The following PPP2CA variants were observed in gnomAD, a reference collection of about 807,000 sequenced individuals.
PPP2CA encodes the protein protein phosphatase 2 catalytic subunit alpha, also known as serine/threonine-protein phosphatase 2A catalytic subunit alpha isoform.
PPP2CA carries 5 observed loss-of-function variants against 38.8 expected under a neutral mutation model. The ratio of observed to expected loss-of-function variants is 0.13; its 90% CI spans 0.07 to 0.27. The LOEUF is 0.27. Among genes scored for constraint, PPP2CA ranks in the 10% least tolerant of loss-of-function variants. The pLI is 1.00. For synonymous variants in PPP2CA, 152 were observed against 134.0 expected (o/e 1.13, Z -0.93); for missense variants, 88 against 389.7 (o/e 0.23, Z 6.52).
At chr5:134,218,680 T>TC (rs1030329485) in intron 1 of PPP2CA, among the ~76,000 whole-genome samples, 85 of 151,540 alleles carry the variant, frequency 5.6e-4, no homozygotes, top group African/African-American at 1.9e-3. Flanking sequence ...TTTTTTTTTT[T>TC]TTTCTTTTAA....
At chr5:134,225,608 A>T (rs1311144775) in intron 1 of PPP2CA, 152 bp downstream of exon 1, 3 of 591,020 alleles carry the variant, frequency 5.1e-6, no homozygotes, top group African/African-American at 2.0e-5. Flanking sequence ...CCGGGTCGTT[A>T]GGAAGCCGCC....
In PPP2CA at chr5:134,195,705, A is replaced by G. The variant is rs1580633226; in HGVS notation, c.*2067T>C. ...CTAACACATTTTCCTTACCATAGCC[A>G]TTTTCAAAAGAAGGTAGGGTACTAA... On this transcript the variant is annotated 3_prime_UTR_variant, in exon 7 of 7. Transcript: ENST00000481195. 1 of 152,210 alleles carries G rather than the reference A, an allele frequency of 6.6e-6. No homozygotes were observed. Among genetic ancestry groups the G allele is most frequent in the African/African-American group, 2.4e-5 (1 of 41,452 alleles). The allele number at this position is 152,210 out of a possible 1,614,324, so 9.4% of individuals were successfully genotyped here.
intron 1 of PPP2CA, among the ~76,000 whole-genome samples, chr5:134,212,582 G>T (rs1380951137): frequency 6.6e-6 from 1 of 152,144 alleles, no homozygotes; most frequent in Admixed American, 6.6e-5. Context: ...ATGCTCAAGT[G>T]AAAGGAAGAG....
intron 5 of PPP2CA, 87 bp downstream of exon 5, chr5:134,200,248 C>G: frequency 7.1e-7 from 1 of 1,403,036 alleles, no homozygotes. Context: ...GAATTTCTCA[C>G]AAATGTCATT....
intron 2 of PPP2CA, among the ~76,000 whole-genome samples, chr5:134,204,810 T>C (rs1044926958): frequency 5.9e-5 from 9 of 152,210 alleles, no homozygotes; most frequent in Admixed American, 3.9e-4. Context: ...ACTATTCAAC[T>C]GAGCTAAACC....
chr5:134,221,649 T>C (rs769201966), intron 1 of PPP2CA, among the ~76,000 whole-genome samples: 2 of 152,020 alleles, frequency 1.3e-5, no homozygotes, highest in Non-Finnish European at 2.9e-5. Context: ...GTAACATGAA[T>C]AGGAAGCTTT....
rs11372222 is a variant in PPP2CA, at chr5:134,199,439, TA to T, written c.739-236del. 7.5e-3 allele frequency: 1,869 copies of T among 249,432 alleles called. 2 individuals carry two copies. The highest frequency in any genetic ancestry group is 0.023 in the East Asian group (342 of 14,946). 15.5% of individuals were successfully genotyped at this position (249,432 alleles called of 1,614,324 possible). A position where few individuals can be genotyped will look rare whatever the true frequency, so the allele number is the denominator to read the frequency against. The stretch of plus-strand genomic sequence containing the variant: ...AAAACTTGTTTTTTTTTTAGTACTT[TA>T]AAAAAAAAAAGGCTTTAACAAACAG... On this transcript the variant is annotated intron_variant, in intron 5 of 6. Transcript: ENST00000481195.
In PPP2CA at chr5:134,225,786, A is replaced by C. The variant is rs1580656004; in HGVS notation, c.76T>G (p.Ser26Ala). ...QLNECKQLSE[S>A]QVKSLCEKAK... is the part of the protein sequence containing the mutation. ...TTCTCGCAGAGGCTCTTGACCTGGG[A>C]CTCGGACAGCTGCTTGCACTCGTTC... Residue 26 changes from serine (S) to alanine (A), a missense_variant, in exon 1 of 7, where the codon TCC (serine) becomes GCC (alanine). Physicochemically the swap from Ser to Ala is moderately conservative, Grantham distance 99 (BLOSUM62 1). Around this residue, in one of 4 missense-constraint regions of PPP2CA, gnomAD observed 34 missense variants for 57.1 expected, o/e 0.60. Transcript: ENST00000481195. The C allele has an allele frequency of 6.2e-7, 1 of 1,610,000 alleles. No individual in the cohort carries two copies. The highest frequency in any genetic ancestry group is 2.2e-5 in the East Asian group (1 of 44,674).
At chr5:134,223,733 C>T in intron 1 of PPP2CA, among the ~76,000 whole-genome samples, 1 of 152,228 alleles carries the variant, frequency 6.6e-6, no homozygotes, top group East Asian at 1.9e-4. Context: ...AAACCCTCTA[C>T]TTCCATGCTC....
Position 134,196,636 on chromosome 5 carries a change from GTCAA to G in PPP2CA, c.*1132_*1135del, listed in dbSNP as rs1315291256. On this transcript the variant is annotated 3_prime_UTR_variant, in exon 7 of 7. Coordinates refer to ENST00000481195, the MANE Select transcript of PPP2CA (RefSeq NM_002715.4). ...CAAAGATTTAAGAATTTGCCAATCT[GTCAA>G]TCATTTTAAAGAGTCCATATAATAT... is the stretch of plus-strand genomic sequence containing the variant. 1.3e-5 allele frequency: 2 copies of G among 152,116 alleles called. No homozygotes were observed. The highest frequency in any genetic ancestry group is 3.2e-3 in the Middle Eastern group (1 of 316). The allele number at this position is 152,116 out of a possible 1,614,324, so 9.4% of individuals were successfully genotyped here.
chr5:134,210,760 T>C (rs1223474562), intron 1 of PPP2CA, among the ~76,000 whole-genome samples: 1 of 151,984 alleles, frequency 6.6e-6, no homozygotes, highest in African/African-American at 2.4e-5. Context: ...TTGAACCCAA[T>C]GGGCCAAGAT....
chr5:134,206,205 C>T (rs765988521), intron 1 of PPP2CA, 74 bp from the exon 2 acceptor site: 53 of 1,276,898 alleles, frequency 4.2e-5, no homozygotes, highest in Non-Finnish European at 5.0e-5. Flanking sequence ...TTTACTTACA[C>T]TTAATGTAGC....
chr5:134,196,535 T>G lies in PPP2CA; in HGVS notation c.*1237A>C, dbSNP rs1345004318. ...GTTTCACTAGTATCACTCAAAGAACTTGACACAGGCTAATGCTTTAACACT... is the reference window on the plus strand; with the variant it reads ...GTTTCACTAGTATCACTCAAAGAACGTGACACAGGCTAATGCTTTAACACT... On this transcript the variant is annotated 3_prime_UTR_variant, in exon 7 of 7. Transcript: ENST00000481195. 1 of 152,236 alleles carries G rather than the reference T, an allele frequency of 6.6e-6. No individual in the cohort carries two copies. Among genetic ancestry groups the G allele is most frequent in the Non-Finnish European group, 1.5e-5 (1 of 68,040 alleles). 9.4% of individuals were successfully genotyped at this position (152,236 alleles called of 1,614,324 possible). A position where few individuals can be genotyped will look rare whatever the true frequency, so the allele number is the denominator to read the frequency against.
In PPP2CA at chr5:134,201,084, G is replaced by A; in HGVS notation, c.487-10C>T. The A allele has an allele frequency of 6.2e-7, 1 of 1,601,912 alleles. No homozygotes were observed. The highest frequency in any genetic ancestry group is 1.1e-5 in the South Asian group (1 of 90,798). On this transcript the variant is annotated splice_polypyrimidine_tract_variant and intron_variant, in intron 3 of 6. Coordinates refer to ENST00000481195, the MANE Select transcript of PPP2CA (RefSeq NM_002715.4). ...CATGTAGACAGAAGATCTGAAAAGA[G>A]TGGTTTAAAAGGTTAACCTCACCTA...
rs1304532066 is a variant in PPP2CA, at chr5:134,194,382, A to G, written c.*3390T>C. On this transcript the variant is annotated 3_prime_UTR_variant, in exon 7 of 7. Coordinates refer to ENST00000481195, the MANE Select transcript of PPP2CA (RefSeq NM_002715.4). ...AATAGCTTTAGCTCACAGAACCAAA[A>G]TCCATCTGAAAACAAACAAGCCTAT... The G allele has an allele frequency of 6.6e-6, 1 of 152,182 alleles. No homozygotes were observed. The highest frequency in any genetic ancestry group is 1.5e-5 in the Non-Finnish European group (1 of 68,034). The allele number at this position is 152,182 out of a possible 1,614,324, so 9.4% of individuals were successfully genotyped here.
intron 2 of PPP2CA, among the ~76,000 whole-genome samples, chr5:134,205,065 T>A (rs1488235449): frequency 6.6e-6 from 1 of 151,850 alleles, no homozygotes; most frequent in East Asian, 1.9e-4. Flanking sequence ...CCTGAGTAGC[T>A]GGGACTACAG....
chr5:134,197,621 G>T lies in PPP2CA; in HGVS notation c.*151C>A. 1.6e-6 allele frequency: 1 copy of T among 638,768 alleles called. No individual in the cohort carries two copies. Among genetic ancestry groups the T allele is most frequent in the Non-Finnish European group, 2.8e-6 (1 of 359,512 alleles). The allele number at this position is 638,768 out of a possible 1,614,324, so 39.6% of individuals were successfully genotyped here. On this transcript the variant is annotated 3_prime_UTR_variant, in exon 7 of 7. Transcript: ENST00000481195. ...ACGGCTGTTGATGACAAGAGGCTTT[G>T]TATTTTTATATGGCACATCTTTTGG...
At chr5:134,225,333 G>T (rs1352944736) in intron 1 of PPP2CA, 3 of 166,018 alleles carry the variant, frequency 1.8e-5, no homozygotes, top group Non-Finnish European at 3.9e-5. Context: ...GGATCCTCTG[G>T]GCAGCTCTGG....
chr5:134,220,442 G>A (rs1762411522), intron 1 of PPP2CA, among the ~76,000 whole-genome samples: 1 of 97,538 alleles, frequency 1.0e-5, no homozygotes, highest in South Asian at 3.8e-4. Flanking sequence ...CTGGGCGACT[G>A]TGAGACTCTA....
Sources: allele counts gnomAD v4.1 joint callset (sites outside exome capture counted in the v4.1 genomes callset), GRCh38; gene constraint gnomAD v4.1.1; regional missense constraint gnomAD v4.1.1; transcripts MANE v1.5; gene names NCBI Gene and HGNC (gene_info 2026-07-23, HGNC 2026-07-21).